Variants in RBMX2 observed in about 807,000 individuals in gnomAD.
RBMX2 encodes RNA binding motif protein X-linked 2.
For missense variants in RBMX2, 191 were observed against 256.0 expected (o/e 0.75, Z 1.73); for synonymous variants, 77 against 94.3 (o/e 0.82, Z 1.07).
At chrX:130,402,225 A>ACCCAGCCCCCCCCCCC in intron 1 of RBMX2, 30 bp from the exon 2 acceptor site, 1 of 984,792 alleles carries the variant, frequency 1.0e-6, no homozygotes, top group Non-Finnish European at 1.4e-6. Flanking sequence ...TTTTCTGCCT[A>ACCCAGCCCCCCCCCCC]CCCTCCCCAC....
At chrX:130,408,840 G>A (rs931096208) in intron 3 of RBMX2, among the ~76,000 whole-genome samples, 13 of 112,195 alleles carry the variant, frequency 1.2e-4, no homozygotes, top group Non-Finnish European at 1.9e-4. Flanking sequence ...CACTTTGTGC[G>A]TGATAAACTT....
intron 2 of RBMX2, 113 bp downstream of exon 2, chrX:130,402,483 T>C: frequency 1.8e-6 from 2 of 1,087,070 alleles, no homozygotes; most frequent in Non-Finnish European, 2.4e-6. Context: ...CACCTTCATA[T>C]CCATCTGCTG....
chrX:130,408,344 TTTGC>T (rs2034495812), intron 3 of RBMX2, among the ~76,000 whole-genome samples: 1 of 112,326 alleles, frequency 8.9e-6, no homozygotes, highest in Non-Finnish European at 1.9e-5. Context: ...TTTCATTAGG[TTTGC>T]TTTCTTCCTT....
chrX:130,408,907 C>T (rs908600768), intron 3 of RBMX2, among the ~76,000 whole-genome samples: 16 of 112,124 alleles, frequency 1.4e-4, no homozygotes, highest in Non-Finnish European at 2.8e-4. Flanking sequence ...TTTTGCATTT[C>T]AAATAGCTTT....
chrX:130,412,448 G>C lies in RBMX2; in HGVS notation c.569G>C (p.Arg190Thr). 8.3e-7 allele frequency: 1 copy of C among 1,210,147 alleles called. No individual in the cohort carries two copies. Among genetic ancestry groups the C allele is most frequent in the Non-Finnish European group, 1.1e-6 (1 of 895,163 alleles). ...QAEQPSSSSP[R>T]RKTVKEKDDT... ...GAGCAACCATCCTCTTCGTCACCCAGACGCAAGACAGTAAAGGAAAAGGAT... is the reference window on the plus strand; with the variant it reads ...GAGCAACCATCCTCTTCGTCACCCACACGCAAGACAGTAAAGGAAAAGGAT... The change falls in exon 6 of 6, where the codon AGA becomes ACA. Residue 190 changes from arginine to threonine, a missense_variant. Physicochemically the swap from Arg to Thr is moderately conservative, Grantham distance 71 (BLOSUM62 -1). Transcript: ENST00000305536.
At position 130,406,146 on chromosome X, in the gene RBMX2, C is replaced by T. The variant is rs1381383090; in HGVS notation, c.173+2293C>T. On this transcript the variant is annotated intron_variant, in intron 3 of 5. Coordinates refer to ENST00000305536, the MANE Select transcript of RBMX2 (RefSeq NM_016024.4). Reference sequence around the variant, plus strand: ...CTGGGATTACAGGTGTGAGCCACCGCGCCCGGCCTGCTTTGCCTTTATTTC... The same window carrying T: ...CTGGGATTACAGGTGTGAGCCACCGTGCCCGGCCTGCTTTGCCTTTATTTC... 8.8e-5 allele frequency among the ~76,000 whole-genome samples: 6 copies of T among 68,525 alleles called. 1 individual carries two copies. The highest frequency in any genetic ancestry group is 4.2e-4 in the East Asian group (1 of 2,363). 59.5% of individuals were successfully genotyped at this position (68,525 alleles called of 115,157 possible). A position where few individuals can be genotyped will look rare whatever the true frequency, so the allele number is the denominator to read the frequency against.
intron 3 of RBMX2, 73 bp downstream of exon 3, chrX:130,403,926 A>C: frequency 2.9e-6 from 3 of 1,036,813 alleles, no homozygotes; most frequent in Non-Finnish European, 4.1e-6. Context: ...TTGTGGCATC[A>C]CAAAAACCAC....
At chrX:130,403,682 T>G in intron 2 of RBMX2, 120 bp from the exon 3 acceptor site, 1 of 656,911 alleles carries the variant, frequency 1.5e-6, no homozygotes, top group Non-Finnish European at 2.5e-6. Flanking sequence ...CCAGACTTGA[T>G]TTCTTTAAGG....
intron 3 of RBMX2, among the ~76,000 whole-genome samples, chrX:130,407,433 A>G (rs1446542027): frequency 9.0e-6 from 1 of 111,154 alleles, no homozygotes; most frequent in Non-Finnish European, 1.9e-5. Flanking sequence ...GCATTGGCCT[A>G]TACCTCCAAT....
Position 130,412,818 on chromosome X carries a change from T to G in RBMX2, c.939T>G (p.Ser313=), listed in dbSNP as rs1197472754. 2.5e-6 allele frequency: 3 copies of G among 1,207,924 alleles called. No individual in the cohort carries two copies. The African/African-American group carries it at 5.3e-5, about 21-fold the overall frequency. ...KRARRSRERE[S]SNPSDRWRH ...CCCGACGCTCCCGGGAGCGGGAGTC[T>G]TCGAATCCCAGTGACCGTTGGCGTC... The change falls in exon 6 of 6, where the codon TCT becomes TCG. Residue 313 remains serine, a synonymous_variant. Coordinates refer to ENST00000305536, the MANE Select transcript of RBMX2 (RefSeq NM_016024.4).
intron 4 of RBMX2, among the ~76,000 whole-genome samples, chrX:130,409,736 A>G (rs890652770): frequency 3.6e-5 from 4 of 111,304 alleles, no homozygotes; most frequent in African/African-American, 1.3e-4. Context: ...TTGCTCTTCC[A>G]TATTGTTGTG....
chrX:130,406,564 T>C (rs1228418946), intron 3 of RBMX2, among the ~76,000 whole-genome samples: 1 of 108,630 alleles, frequency 9.2e-6, no homozygotes, highest in East Asian at 2.9e-4. Flanking sequence ...TCCCAGCTAC[T>C]CTGGAGGCCA....
rs185260754 is a variant in RBMX2 at position 130,411,243 on chromosome X, G to A, written c.304-105G>A. On this transcript the variant is annotated intron_variant, in intron 4 of 5. Transcript: ENST00000305536. Reference sequence around the variant, plus strand: ...TTTAGTGACAGAATTTAACAAGAAGGTAAAGGATGTAGTTCAAATCATGGT... The same window carrying A: ...TTTAGTGACAGAATTTAACAAGAAGATAAAGGATGTAGTTCAAATCATGGT... 367 of 802,628 alleles carry A rather than the reference G, an allele frequency of 4.6e-4. 1 individual carries two copies. In the East Asian group the frequency reaches 0.011, roughly 24 times the overall value. 66.1% of individuals were successfully genotyped at this position (802,628 alleles called of 1,213,427 possible).
intron 2 of RBMX2, 91 bp downstream of exon 2, chrX:130,402,461 A>G (rs2034461253): frequency 2.7e-6 from 3 of 1,114,857 alleles, no homozygotes; most frequent in Admixed American, 5.8e-5. Flanking sequence ...ACTCCTGCTT[A>G]CATTCATCGC....
Position 130,409,763 on chromosome X carries a change from C to T in RBMX2, c.303+377C>T, listed in dbSNP as rs1019744042. ...ATTGTTGTGTGTTGGGGGTTTTGGGCTTCATCATGGCCTCATAATCTAGTA... is the reference window on the plus strand; with the variant it reads ...ATTGTTGTGTGTTGGGGGTTTTGGGTTTCATCATGGCCTCATAATCTAGTA... On this transcript the variant is annotated intron_variant, in intron 4 of 5. Transcript: ENST00000305536. Among the ~76,000 whole-genome samples the T allele has an allele frequency of 2.7e-5, 3 of 111,767 alleles. No individual in the cohort carries two copies. The Admixed American group carries it at 2.8e-4, about 11-fold the overall frequency.
intron 3 of RBMX2, among the ~76,000 whole-genome samples, chrX:130,405,886 G>A (rs1429904747): frequency 2.5e-5 from 1 of 40,509 alleles, no homozygotes; most frequent in East Asian, 8.4e-4. Context: ...ACGGAGTCTC[G>A]CTCTGTCGCC....
chrX:130,413,342 T>C lies in RBMX2; in HGVS notation c.*494T>C, dbSNP rs7061846. On this transcript the variant is annotated 3_prime_UTR_variant, in exon 6 of 6. Coordinates refer to ENST00000305536, the MANE Select transcript of RBMX2 (RefSeq NM_016024.4). ...TTTTCATTAAAACTTTTTTGTTCGA[T>C]ATGCCTCTTTCCACATTTTTTCCTT... 0.049 allele frequency: 5,466 copies of C among 112,568 alleles called. 348 individuals carry two copies. Among genetic ancestry groups the C allele is most frequent in the African/African-American group, 0.17 (5,094 of 30,630 alleles). The allele number at this position is 112,568 out of a possible 1,213,427, so 9.3% of individuals were successfully genotyped here. A position where few individuals can be genotyped will look rare whatever the true frequency, so the allele number is the denominator to read the frequency against.
At chrX:130,405,839 T>TCATCATCAGTGAGGTTGAACATCTG (rs1369643272) in intron 3 of RBMX2, among the ~76,000 whole-genome samples, 24 of 26,691 alleles carry the variant, frequency 9.0e-4, no homozygotes, top group Middle Eastern at 0.014. Flanking sequence ...TTGCCTTTTT[T>TCATCATCAGTGAGGTTGAACATCTG]TTTTTTTTTT....
In RBMX2 at chrX:130,412,697, C is replaced by CAGA; in HGVS notation, c.819_821dup (p.Ser273_Asp274insGlu). On this transcript the variant is annotated inframe_insertion, in exon 6 of 6. Coordinates refer to ENST00000305536, the MANE Select transcript of RBMX2 (RefSeq NM_016024.4). The stretch of plus-strand genomic sequence containing the variant: ...AGGATTAGGGACAGAGGGCGGAGCT[C>CAGA]AGATGCACATTCTAGCTGGTATAAT... 8.3e-7 allele frequency: 1 copy of CAGA among 1,210,743 alleles called. No individual in the cohort carries two copies. The highest frequency in any genetic ancestry group is 3.0e-5 in the East Asian group (1 of 33,746).
Sources: allele counts gnomAD v4.1 joint callset (sites outside exome capture counted in the v4.1 genomes callset), GRCh38; gene constraint gnomAD v4.1.1; transcripts MANE v1.5; gene names NCBI Gene and HGNC (gene_info 2026-07-23, HGNC 2026-07-21).